Variants in CFAP54 observed in about 807,000 individuals in gnomAD.
CFAP54 encodes cilia- and flagella-associated protein 54.
CFAP54 carries 290 observed loss-of-function variants against 370.4 expected under a neutral mutation model. The observed-to-expected ratio is 0.78, with a 90% CI of 0.71 to 0.86. The LOEUF is 0.86. Ranked by LOEUF, CFAP54 falls within the 40% of genes least tolerant of loss-of-function variation. CFAP54 has a pLI of 0.00. For synonymous variants in CFAP54, 1,206 were observed against 1,236.5 expected (o/e 0.98, Z 0.52); for missense variants, 3,399 against 3,528.7 (o/e 0.96, Z 0.93).
rs1281140789 is a variant in CFAP54, at chr12:96,617,807, G to A, written c.3640-3783G>A. On this transcript the variant is annotated intron_variant, in intron 26 of 67. Coordinates refer to ENST00000524981, the MANE Select transcript of CFAP54 (RefSeq NM_001306084.2). ...AGATCAAGACCATCCTGGCTAACACGGTGAAACCCTGTCTTTACTAAAAAT... is the reference window on the plus strand; with the variant it reads ...AGATCAAGACCATCCTGGCTAACACAGTGAAACCCTGTCTTTACTAAAAAT... Among the ~76,000 whole-genome samples the A allele has an allele frequency of 1.2e-4, 18 of 152,110 alleles. No homozygotes were observed. In the East Asian group the frequency reaches 1.5e-3, roughly 13 times the overall value.
At chr12:96,629,747 G>A (rs889710891) in intron 30 of CFAP54, among the ~76,000 whole-genome samples, 5 of 152,198 alleles carry the variant, frequency 3.3e-5, no homozygotes, top group Non-Finnish European at 7.3e-5. Context: ...ATGCATGTGT[G>A]AGAGTTTCTG....
Position 96,688,976 on chromosome 12 carries a change from C to G in CFAP54, c.6075C>G (p.Leu2025=). 6.4e-7 allele frequency: 1 copy of G among 1,571,074 alleles called. No individual in the cohort carries two copies. The highest frequency in any genetic ancestry group is 8.6e-7 in the Non-Finnish European group (1 of 1,158,354). Residue 2025 remains leucine (L), a synonymous_variant, in exon 43 of 68, where the codon CTC becomes CTG. Coordinates refer to ENST00000524981, the MANE Select transcript of CFAP54 (RefSeq NM_001306084.2). Reference sequence around the variant, plus strand: ...ACTGTTGCATTTTGTCTGCGTTACTCTTTCAGGTAACACTCTATGTATGTA... The same window carrying G: ...ACTGTTGCATTTTGTCTGCGTTACTGTTTCAGGTAACACTCTATGTATGTA... ...KTDCCILSAL[L]FQGLLRTTLP...
intron 67 of CFAP54, among the ~76,000 whole-genome samples, chr12:96,863,668 C>T (rs779713357): frequency 6.6e-6 from 1 of 152,196 alleles, no homozygotes; most frequent in Non-Finnish European, 1.5e-5. Context: ...TAAAAAATGA[C>T]TTGCAGATCT....
At position 96,654,832 on chromosome 12, in the gene CFAP54, A is replaced by ATTTTTTTTTTTTTTT. The variant is rs10631171; in HGVS notation, c.5100+3019_5100+3033dup. Among the ~76,000 whole-genome samples, 51 of 132,112 alleles carry ATTTTTTTTTTTTTTT rather than the reference A, an allele frequency of 3.9e-4. 3 individuals carry two copies. Among genetic ancestry groups the ATTTTTTTTTTTTTTT allele is most frequent in the Middle Eastern group, 3.8e-3 (1 of 260 alleles). The allele number at this position is 132,112 out of a possible 152,430, so 86.7% of individuals were successfully genotyped here. A position where few individuals can be genotyped will look rare whatever the true frequency, so the allele number is the denominator to read the frequency against. ...TTTTGTGTCTGGCTCATTTCACTTA[A>ATTTTTTTTTTTTTTT]TTTTTTTTTTTTTTTTAAGAAATGA... is the stretch of plus-strand genomic sequence containing the variant. On this transcript the variant is annotated intron_variant, in intron 36 of 67. Transcript: ENST00000524981.
chr12:96,512,629 T>A (rs958716652), intron 4 of CFAP54, among the ~76,000 whole-genome samples: 1 of 152,012 alleles, frequency 6.6e-6, no homozygotes, highest in East Asian at 1.9e-4. Flanking sequence ...GCGTAGCCAC[T>A]GTACACAGCT....
At chr12:96,609,210 C>A (rs1264733599) in intron 26 of CFAP54, among the ~76,000 whole-genome samples, 2 of 152,178 alleles carry the variant, frequency 1.3e-5, no homozygotes, top group Admixed American at 1.3e-4. Flanking sequence ...TGTCAGATCA[C>A]CCTTCTCTGC....
Position 96,625,767 on chromosome 12 carries a change from T to C in CFAP54, c.3936T>C (p.Pro1312=), listed in dbSNP as rs755829224. ...GAGAGGACCCTATATTTCTTTATCC[T>C]GTAGTTTTGAATTGGTCGGTCAAAG... is the stretch of plus-strand genomic sequence containing the variant. ...SGGEDPIFLY[P]VVLNWSVKGA... The change falls in exon 29 of 68, where the codon CCT becomes CCC. Residue 1312 remains proline, a synonymous_variant. Transcript: ENST00000524981. 5.2e-6 allele frequency: 8 copies of C among 1,535,894 alleles called. No homozygotes were observed. Among genetic ancestry groups the C allele is most frequent in the Non-Finnish European group, 7.0e-6 (8 of 1,146,756 alleles).
chr12:96,537,204 A>G (rs906353504), intron 12 of CFAP54, among the ~76,000 whole-genome samples: 1 of 152,188 alleles, frequency 6.6e-6, no homozygotes, highest in African/African-American at 2.4e-5. Flanking sequence ...TGGATGAGAG[A>G]AAACATACTC....
chr12:96,870,929 C>A (rs1445423773), intron 67 of CFAP54, among the ~76,000 whole-genome samples: 1 of 152,178 alleles, frequency 6.6e-6, no homozygotes, highest in Non-Finnish European at 1.5e-5. Flanking sequence ...TTTAAACAGC[C>A]TATTCTCTGA....
chr12:96,564,623 G>A (rs1359406852), intron 18 of CFAP54, 21 bp from the exon 19 acceptor site: 1 of 647,916 alleles, frequency 1.5e-6, no homozygotes. Flanking sequence ...CACCTTTTTG[G>A]TAAAATGTTT....
At chr12:96,834,532 G>A (rs1036753843) in intron 66 of CFAP54, among the ~76,000 whole-genome samples, 1 of 152,248 alleles carries the variant, frequency 6.6e-6, no homozygotes, top group Non-Finnish European at 1.5e-5. Context: ...CTAGGTGCTG[G>A]CATGGGCGCC....
chr12:96,489,603 C>A lies in CFAP54; in HGVS notation c.-7C>A. The A allele has an allele frequency of 6.0e-6, 9 of 1,512,346 alleles. No homozygotes were observed. The highest frequency in any genetic ancestry group is 8.0e-6 in the Non-Finnish European group (9 of 1,130,526). The allele number at this position is 1,512,346 out of a possible 1,614,324, so 93.7% of individuals were successfully genotyped here. A position where few individuals can be genotyped will look rare whatever the true frequency, so the allele number is the denominator to read the frequency against. On this transcript the variant is annotated 5_prime_UTR_variant, in exon 1 of 68. Coordinates refer to ENST00000524981, the MANE Select transcript of CFAP54 (RefSeq NM_001306084.2). ...CACATACTCCAGGCGGGCCGGGGCG[C>A]GTCAATATGGCGGCGCAGGGCTCCC...
intron 15 of CFAP54, among the ~76,000 whole-genome samples, chr12:96,548,236 A>C (rs1159113385): frequency 6.6e-6 from 1 of 151,976 alleles, no homozygotes; most frequent in African/African-American, 2.4e-5. Flanking sequence ...GTATAGATAA[A>C]ACTCACCTCC....
chr12:96,729,756 G>T (rs1018347193), intron 50 of CFAP54, among the ~76,000 whole-genome samples: 1 of 152,210 alleles, frequency 6.6e-6, no homozygotes, highest in South Asian at 2.1e-4. Context: ...AGATGGAAAT[G>T]CAGAAATCAC....
intron 45 of CFAP54, among the ~76,000 whole-genome samples, chr12:96,694,856 T>C (rs1399178553): frequency 6.6e-6 from 1 of 151,942 alleles, no homozygotes; most frequent in Admixed American, 6.6e-5. Context: ...ACCCCATCTC[T>C]ACTAAAGATA....
At chr12:96,498,819 T>C (rs1201730248) in intron 1 of CFAP54, among the ~76,000 whole-genome samples, 3 of 152,174 alleles carry the variant, frequency 2.0e-5, no homozygotes, top group Non-Finnish European at 4.4e-5. Context: ...CTATGAAAGA[T>C]ACTGTCAAGG....
chr12:96,544,584 T>G (rs1344746062), intron 14 of CFAP54, among the ~76,000 whole-genome samples: 2 of 152,160 alleles, frequency 1.3e-5, no homozygotes. Context: ...CTTGTCTGAT[T>G]GTAGGACATA....
chr12:96,489,602 G>C lies in CFAP54; in HGVS notation c.-8G>C, dbSNP rs1374700600. On this transcript the variant is annotated 5_prime_UTR_variant, in exon 1 of 68. Transcript: ENST00000524981. ...ACACATACTCCAGGCGGGCCGGGGC[G>C]CGTCAATATGGCGGCGCAGGGCTCC... 6.6e-7 allele frequency: 1 copy of C among 1,510,084 alleles called. No homozygotes were observed. Among genetic ancestry groups the C allele is most frequent in the East Asian group, 2.5e-5 (1 of 40,440 alleles). 93.5% of individuals were successfully genotyped at this position (1,510,084 alleles called of 1,614,324 possible).
intron 56 of CFAP54, among the ~76,000 whole-genome samples, chr12:96,756,120 T>C (rs1220893870): frequency 6.6e-6 from 1 of 151,992 alleles, no homozygotes; most frequent in Non-Finnish European, 1.5e-5. Context: ...AGGAGGAGAA[T>C]GCATGTCAAA....
Sources: allele counts gnomAD v4.1 joint callset (sites outside exome capture counted in the v4.1 genomes callset), GRCh38; gene constraint gnomAD v4.1.1; transcripts MANE v1.5; gene names NCBI Gene and HGNC (gene_info 2026-07-23, HGNC 2026-07-21).